Variants in CADM1 observed in about 807,000 individuals in gnomAD.
The protein encoded by CADM1 is cell adhesion molecule 1.
In CADM1, 15 loss-of-function variants were observed where a neutral mutation model predicts 53.1. That is an observed-to-expected ratio of 0.28 (90% CI 0.19 to 0.44). The LOEUF (loss-of-function observed/expected upper bound fraction) is 0.44. Among genes scored for constraint, CADM1 ranks in the 20% least tolerant of loss-of-function variants. The probability of loss-of-function intolerance (pLI) is 1.00; values close to 1 mark genes in which losing one functional copy is unlikely to be tolerated. For synonymous variants in CADM1, 281 were observed against 243.0 expected, an observed-to-expected ratio of 1.16 and a Z score of -1.45; for missense variants, 434 against 611.3, an observed-to-expected ratio of 0.71 and a Z score of 3.06.
At chr11:115,289,184 G>A (rs1943810554) in intron 1 of CADM1, among the ~76,000 whole-genome samples, 1 of 152,116 alleles carries the variant, frequency 6.6e-6, no homozygotes, top group South Asian at 2.1e-4. Context: ...GGCCAACATG[G>A]TGAAAACCTG....
At chr11:115,203,891 T>G (rs1940555629) in intron 8 of CADM1, among the ~76,000 whole-genome samples, 1 of 152,140 alleles carries the variant, frequency 6.6e-6, no homozygotes, top group Non-Finnish European at 1.5e-5. Flanking sequence ...TAAGACAGTA[T>G]GAAGAAAAAT....
intron 1 of CADM1, among the ~76,000 whole-genome samples, chr11:115,356,725 GC>G (rs989566074): frequency 5.3e-5 from 8 of 152,122 alleles, no homozygotes; most frequent in Non-Finnish European, 8.8e-5. Context: ...AATAACTACT[GC>G]TTTTAAGCTA....
intron 1 of CADM1, among the ~76,000 whole-genome samples, chr11:115,436,538 G>T (rs906189097): frequency 2.0e-5 from 3 of 152,160 alleles, no homozygotes; most frequent in Non-Finnish European, 2.9e-5. Context: ...CGAAAATACA[G>T]CTGAGGTAAT....
intron 1 of CADM1, among the ~76,000 whole-genome samples, chr11:115,413,146 A>T (rs1442497336): frequency 6.6e-6 from 1 of 152,224 alleles, no homozygotes; most frequent in Non-Finnish European, 1.5e-5. Flanking sequence ...AGGAGGGAAG[A>T]GAGGGTGTGC....
intron 1 of CADM1, among the ~76,000 whole-genome samples, chr11:115,443,976 T>C (rs756135464): frequency 2.2e-4 from 33 of 152,246 alleles, no homozygotes; most frequent in Non-Finnish European, 3.4e-4. Context: ...GTGTGTCCTA[T>C]ATTTCTAATA....
intron 1 of CADM1, among the ~76,000 whole-genome samples, chr11:115,255,626 T>C (rs938513283): frequency 6.6e-6 from 1 of 152,168 alleles, no homozygotes; most frequent in Admixed American, 6.5e-5. Flanking sequence ...AGATAACTTG[T>C]TTTGAGGAAA....
chr11:115,463,982 A>G (rs889986552), intron 1 of CADM1, among the ~76,000 whole-genome samples: 7 of 152,136 alleles, frequency 4.6e-5, no homozygotes, highest in African/African-American at 9.7e-5. Flanking sequence ...AAGAAATGCT[A>G]TATTATCCCA....
intron 1 of CADM1, among the ~76,000 whole-genome samples, chr11:115,370,162 A>G (rs1232680908): frequency 6.6e-6 from 1 of 152,194 alleles, no homozygotes; most frequent in Non-Finnish European, 1.5e-5. Flanking sequence ...AGTACAGGTA[A>G]GGTTCTAATC....
intron 1 of CADM1, among the ~76,000 whole-genome samples, chr11:115,424,278 C>G (rs1445421687): frequency 6.6e-6 from 1 of 152,186 alleles, no homozygotes; most frequent in African/African-American, 2.4e-5. Flanking sequence ...TGCCAGATTT[C>G]TGTGTGTCAT....
At chr11:115,453,951 C>A (rs1353930654) in intron 1 of CADM1, among the ~76,000 whole-genome samples, 1 of 151,934 alleles carries the variant, frequency 6.6e-6, no homozygotes, top group Non-Finnish European at 1.5e-5. Flanking sequence ...CCTTCTAGGT[C>A]TAGAAGGTCC....
chr11:115,219,103 C>T (rs1941305611), intron 5 of CADM1, among the ~76,000 whole-genome samples: 1 of 152,104 alleles, frequency 6.6e-6, no homozygotes, highest in African/African-American at 2.4e-5. Flanking sequence ...GGCAAGACAT[C>T]GGTTGGCTGA....
At chr11:115,383,446 G>C (rs908101866) in intron 1 of CADM1, among the ~76,000 whole-genome samples, 3 of 152,206 alleles carry the variant, frequency 2.0e-5, no homozygotes, top group African/African-American at 7.2e-5. Flanking sequence ...TTAGGATCCT[G>C]TATTAGCTAA....
chr11:115,346,769 G>C (rs1945590123), intron 1 of CADM1, among the ~76,000 whole-genome samples: 1 of 152,084 alleles, frequency 6.6e-6, no homozygotes, highest in Non-Finnish European at 1.5e-5. Context: ...ATATGGGCTT[G>C]CCCCACAATT....
In CADM1 at chr11:115,270,007, G is replaced by A. The variant is rs548678565; in HGVS notation, c.125-29587C>T. Among the ~76,000 whole-genome samples the A allele has an allele frequency of 9.1e-4, 138 of 152,276 alleles. 1 individual carries two copies. Among genetic ancestry groups the A allele is most frequent in the Non-Finnish European group, 1.6e-3 (109 of 68,030 alleles). The stretch of plus-strand genomic sequence containing the variant: ...TGCCCTCTGCAAGGAAGGTTTAGGC[G>A]ACGAAGAGGATTTGTGTAAAAGTGT... On this transcript the variant is annotated intron_variant, in intron 1 of 11. Coordinates refer to ENST00000331581, the MANE Select transcript of CADM1 (RefSeq NM_001301043.2).
Position 115,176,351 on chromosome 11 carries a change from A to G in CADM1, c.*123T>C. 2 of 1,583,528 alleles carry G rather than the reference A, an allele frequency of 1.3e-6. No individual in the cohort carries two copies. Among genetic ancestry groups the G allele is most frequent in the East Asian group, 2.3e-5 (1 of 43,110 alleles). The stretch of plus-strand genomic sequence containing the variant: ...TACACAGCAAATCCCAAGCCTTCCC[A>G]GTCTCACACCTTTCCACCCATTCAT... On this transcript the variant is annotated 3_prime_UTR_variant, in exon 12 of 12. Transcript: ENST00000331581.
chr11:115,385,908 A>T (rs1946689156), intron 1 of CADM1, among the ~76,000 whole-genome samples: 1 of 152,208 alleles, frequency 6.6e-6, no homozygotes, highest in Non-Finnish European at 1.5e-5. Context: ...CTACCTTTCT[A>T]GTATCTTTGG....
intron 1 of CADM1, among the ~76,000 whole-genome samples, chr11:115,311,269 G>T (rs1031035521): frequency 1.3e-5 from 2 of 152,058 alleles, no homozygotes; most frequent in Non-Finnish European, 2.9e-5. Flanking sequence ...AGACGTCTCA[G>T]GAAATGAAAA....
intron 1 of CADM1, among the ~76,000 whole-genome samples, chr11:115,491,157 T>TA (rs1259788515): frequency 6.6e-6 from 1 of 151,838 alleles, no homozygotes; most frequent in Non-Finnish European, 1.5e-5. Context: ...GGAGAAGGGT[T>TA]AAAAAAAGAC....
At chr11:115,239,109 T>G (rs1049426730) in intron 2 of CADM1, among the ~76,000 whole-genome samples, 7 of 152,092 alleles carry the variant, frequency 4.6e-5, no homozygotes, top group African/African-American at 1.7e-4. Context: ...CTACAGCCTT[T>G]TAAAATGCCT....
Sources: allele counts gnomAD v4.1 joint callset (sites outside exome capture counted in the v4.1 genomes callset), GRCh38; gene constraint gnomAD v4.1.1; transcripts MANE v1.5; gene names NCBI Gene and HGNC (gene_info 2026-07-23, HGNC 2026-07-21).